COL23A1: variants seen among roughly 807,000 people sequenced by gnomAD.
COL23A1 encodes the protein collagen alpha-1(XXIII) chain.
In COL23A1, 97 loss-of-function variants were observed where a neutral mutation model predicts 99.3. The ratio of observed to expected loss-of-function variants is 0.98; its 90% CI spans 0.83 to 1.16. COL23A1 has a LOEUF of 1.16. Among genes scored for constraint, COL23A1 ranks in the 50% most tolerant of loss-of-function variants. The probability of loss-of-function intolerance (pLI) is 0.00; values close to 1 mark genes in which losing one functional copy is unlikely to be tolerated. For missense variants in COL23A1, 762 were observed against 757.4 expected (o/e 1.01, Z -0.07); for synonymous variants, 320 against 308.2 (o/e 1.04, Z -0.40).
intron 2 of COL23A1, among the ~76,000 whole-genome samples, chr5:178,327,578 C>T (rs940717109): frequency 2.6e-5 from 4 of 152,146 alleles, no homozygotes; most frequent in Non-Finnish European, 4.4e-5. Context: ...CCTGGGGGGC[C>T]GGTGTTGCCA....
At chr5:178,252,718 C>T in intron 16 of COL23A1, 121 bp from the exon 17 acceptor site, 1 of 792,902 alleles carries the variant, frequency 1.3e-6, no homozygotes, top group East Asian at 2.8e-5. Flanking sequence ...GGGCAGGGTC[C>T]TTGGGGACTG....
At chr5:178,262,331 G>C in intron 9 of COL23A1, 79 bp from the exon 10 acceptor site, 2 of 1,382,074 alleles carry the variant, frequency 1.4e-6, no homozygotes, top group East Asian at 4.9e-5. Flanking sequence ...GCCAGACCCC[G>C]GGCTGGGGCT....
chr5:178,354,914 T>C (rs954635667), intron 2 of COL23A1, among the ~76,000 whole-genome samples: 15 of 152,018 alleles, frequency 9.9e-5, no homozygotes, highest in East Asian at 9.7e-4. Flanking sequence ...AAAAATTAGT[T>C]GGGCATGGTG....
At chr5:178,570,811 G>A (rs1439638542) in intron 1 of COL23A1, among the ~76,000 whole-genome samples, 1 of 152,190 alleles carries the variant, frequency 6.6e-6, no homozygotes, top group Non-Finnish European at 1.5e-5. Flanking sequence ...GGAGCTGAGA[G>A]CCAAGGGAGG....
intron 2 of COL23A1, among the ~76,000 whole-genome samples, chr5:178,521,276 G>A (rs539174699): frequency 6.8e-4 from 104 of 152,284 alleles, no homozygotes; most frequent in African/African-American, 2.4e-3. Context: ...AAAGCTGGCC[G>A]GGCGCGGTGG....
chr5:178,469,053 G>A (rs1343428684), intron 2 of COL23A1, among the ~76,000 whole-genome samples: 1 of 152,164 alleles, frequency 6.6e-6, no homozygotes, highest in Non-Finnish European at 1.5e-5. Flanking sequence ...TGTCCTCAAG[G>A]TCCGTCCATG....
At chr5:178,541,323 C>T (rs1293660975) in intron 2 of COL23A1, among the ~76,000 whole-genome samples, 1 of 152,226 alleles carries the variant, frequency 6.6e-6, no homozygotes, top group Non-Finnish European at 1.5e-5. Context: ...CACAGTGGCT[C>T]ATGCCTGTAA....
chr5:178,538,094 G>A (rs958554862), intron 2 of COL23A1, among the ~76,000 whole-genome samples: 2 of 152,176 alleles, frequency 1.3e-5, no homozygotes, highest in African/African-American at 4.8e-5. Flanking sequence ...GCTGCATTCT[G>A]TTTGTCTATT....
intron 2 of COL23A1, among the ~76,000 whole-genome samples, chr5:178,422,122 C>T (rs73336645): frequency 0.015 from 2,347 of 152,266 alleles, 55 homozygotes; most frequent in African/African-American, 0.051. Flanking sequence ...CGTAGCTAAT[C>T]CTTATGCCCA....
At chr5:178,374,311 C>A (rs1762956826) in intron 2 of COL23A1, among the ~76,000 whole-genome samples, 1 of 152,186 alleles carries the variant, frequency 6.6e-6, no homozygotes, top group South Asian at 2.1e-4. Context: ...CTCTCCACTG[C>A]ACAAACTCTT....
At chr5:178,353,121 G>A (rs551213579) in intron 2 of COL23A1, among the ~76,000 whole-genome samples, 3 of 152,288 alleles carry the variant, frequency 2.0e-5, no homozygotes, top group South Asian at 2.1e-4. Context: ...GCAGCGTCAC[G>A]TTTAATAGAA....
intron 2 of COL23A1, among the ~76,000 whole-genome samples, chr5:178,552,514 T>C (rs1256726202): frequency 6.6e-6 from 1 of 151,982 alleles, no homozygotes; most frequent in Non-Finnish European, 1.5e-5. Context: ...AATATATACG[T>C]GTATCATTTT....
intron 25 of COL23A1, among the ~76,000 whole-genome samples, chr5:178,242,619 C>T (rs542615102): frequency 3.3e-5 from 5 of 152,310 alleles, no homozygotes; most frequent in Admixed American, 6.5e-5. Flanking sequence ...CCAAAGTAGT[C>T]GCTGGACACC....
intron 1 of COL23A1, among the ~76,000 whole-genome samples, chr5:178,564,659 G>C (rs970975581): frequency 6.6e-6 from 1 of 152,168 alleles, no homozygotes; most frequent in African/African-American, 2.4e-5. Context: ...CTTGAAGTCT[G>C]GGGGAAGGGC....
intron 2 of COL23A1, among the ~76,000 whole-genome samples, chr5:178,335,376 G>A (rs901634316): frequency 1.3e-5 from 2 of 152,180 alleles, no homozygotes; most frequent in Non-Finnish European, 2.9e-5. Flanking sequence ...AATTTCAAGA[G>A]GCATAATTGA....
At chr5:178,272,754 C>G (rs1345053708) in intron 5 of COL23A1, among the ~76,000 whole-genome samples, 1 of 152,120 alleles carries the variant, frequency 6.6e-6, no homozygotes, top group Admixed American at 6.5e-5. Context: ...CCCCCTACCC[C>G]CCGACCCAAG....
At chr5:178,539,344 C>T (rs777734145) in intron 2 of COL23A1, among the ~76,000 whole-genome samples, 10 of 151,896 alleles carry the variant, frequency 6.6e-5, no homozygotes, top group East Asian at 1.9e-4. Context: ...GTCAGGAGTT[C>T]GAGACCAGCC....
chr5:178,399,516 A>G (rs1017818619), intron 2 of COL23A1, among the ~76,000 whole-genome samples: 1 of 152,158 alleles, frequency 6.6e-6, no homozygotes, highest in African/African-American at 2.4e-5. Context: ...TGCTGGGAAC[A>G]TGGAAGGGAG....
intron 1 of COL23A1, among the ~76,000 whole-genome samples, chr5:178,575,515 G>A (rs1384336952): frequency 6.6e-6 from 1 of 152,200 alleles, no homozygotes; most frequent in Non-Finnish European, 1.5e-5. Flanking sequence ...AGCTCCTGCA[G>A]AAGATCATGG....
Sources: gnomAD v4.1 joint callset for allele counts (sites outside exome capture counted in the v4.1 genomes callset) on GRCh38, gnomAD v4.1.1 for gene constraint, MANE v1.5 for transcripts, NCBI Gene and HGNC (gene_info 2026-07-23, HGNC 2026-07-21) for gene names.